HLF: variants seen among roughly 807,000 people sequenced by gnomAD.
The protein encoded by HLF is hepatic leukemia factor.
A neutral mutation model predicts 22.6 loss-of-function variants in HLF; 3 were observed. That is an observed-to-expected ratio of 0.13 (90% CI 0.06 to 0.34). The LOEUF (loss-of-function observed/expected upper bound fraction) is 0.34, where lower values mean the gene tolerates loss of function less well. Ranked by LOEUF, HLF falls within the 10% of genes least tolerant of loss-of-function variation. The pLI is 1.00. For missense variants in HLF, 299 were observed against 389.2 expected, an observed-to-expected ratio of 0.77 and a Z score of 1.95; for synonymous variants, 151 against 151.8, an observed-to-expected ratio of 0.99 and a Z score of 0.04.
At chr17:55,302,402 C>T (rs1904336567) in intron 2 of HLF, among the ~76,000 whole-genome samples, 1 of 152,226 alleles carries the variant, frequency 6.6e-6, no homozygotes, top group East Asian at 1.9e-4. Context: ...CTTTGAGAAG[C>T]TGCAGAACAG....
chr17:55,288,605 A>C (rs140256134), intron 2 of HLF, among the ~76,000 whole-genome samples: 1 of 152,032 alleles, frequency 6.6e-6, no homozygotes, highest in Non-Finnish European at 1.5e-5. Flanking sequence ...TCTACCAAAA[A>C]CAGAAAAAAA....
chr17:55,281,891 A>C (rs764603895), intron 2 of HLF, among the ~76,000 whole-genome samples: 7 of 152,264 alleles, frequency 4.6e-5, no homozygotes, highest in Non-Finnish European at 8.8e-5. Context: ...TTTTCAAGGC[A>C]GAAATAACAG....
chr17:55,321,910 T>G lies in HLF; in HGVS notation c.*1031T>G, dbSNP rs1005516367. 4.3e-6 allele frequency: 1 copy of G among 230,722 alleles called. No homozygotes were observed. Among genetic ancestry groups the G allele is most frequent in the Non-Finnish European group, 8.6e-6 (1 of 116,000 alleles). The allele number at this position is 230,722 out of a possible 1,614,324, so 14.3% of individuals were successfully genotyped here. ...CGCCCCCACTTTTCTAGTTAACTTT[T>G]TCCATATCCCTCTTGACATTCAAAA... On this transcript the variant is annotated 3_prime_UTR_variant, in exon 4 of 4. Transcript: ENST00000226067.
At position 55,320,978 on chromosome 17, in the gene HLF, C is replaced by T. The variant is rs969418636; in HGVS notation, c.*99C>T. 1.0e-5 allele frequency: 9 copies of T among 901,766 alleles called. No homozygotes were observed. Among genetic ancestry groups the T allele is most frequent in the Non-Finnish European group, 1.4e-5 (8 of 579,278 alleles). The allele number at this position is 901,766 out of a possible 1,614,324, so 55.9% of individuals were successfully genotyped here. ...CAACCTTTCTGACATCAGCACTTTA[C>T]CAGAGGCATAAACACAACTGACTCC... On this transcript the variant is annotated 3_prime_UTR_variant, in exon 4 of 4. Transcript: ENST00000226067. The surrounding 1 kb of genome is among the most constrained non-coding windows in gnomAD (Gnocchi z 4.2).
rs757938328 is a variant in HLF, at chr17:55,323,055, A to C, written c.*2176A>C. 9 of 220,350 alleles carry C rather than the reference A, an allele frequency of 4.1e-5. No homozygotes were observed. Among genetic ancestry groups the C allele is most frequent in the Non-Finnish European group, 5.5e-5 (6 of 109,968 alleles). 13.6% of individuals were successfully genotyped at this position (220,350 alleles called of 1,614,324 possible). ...GATCTGGTGGTCTCCTCGTCAATCC[A>C]TCAGCAATGCTTCTCTCATAGTGTC... On this transcript the variant is annotated 3_prime_UTR_variant, in exon 4 of 4. Transcript: ENST00000226067.
chr17:55,294,750 C>T (rs2081096548), intron 2 of HLF, among the ~76,000 whole-genome samples: 1 of 152,190 alleles, frequency 6.6e-6, no homozygotes, highest in African/African-American at 2.4e-5. Flanking sequence ...GGCTCCCTTT[C>T]CATGCACTTC....
Position 55,323,920 on chromosome 17 carries a change from A to C in HLF, c.*3041A>C, listed in dbSNP as rs376621661. On this transcript the variant is annotated 3_prime_UTR_variant, in exon 4 of 4. Transcript: ENST00000226067. Reference sequence around the variant, plus strand: ...TGACATCATCTAGACATGATTTGGAAGGAACAGCTTAGGACCTCCTGATGA... The same window carrying C: ...TGACATCATCTAGACATGATTTGGACGGAACAGCTTAGGACCTCCTGATGA... 150 of 229,344 alleles carry C rather than the reference A, an allele frequency of 6.5e-4. 1 individual carries two copies. Among genetic ancestry groups the C allele is most frequent in the African/African-American group, 3.2e-3 (143 of 45,212 alleles). The allele number at this position is 229,344 out of a possible 1,614,324, so 14.2% of individuals were successfully genotyped here.
At chr17:55,290,707 G>A (rs990015287) in intron 2 of HLF, among the ~76,000 whole-genome samples, 4 of 152,100 alleles carry the variant, frequency 2.6e-5, no homozygotes, top group Admixed American at 1.3e-4. Context: ...CAGAAGAGTC[G>A]CAGGTCTCTC....
At chr17:55,315,539 T>C in intron 3 of HLF, 92 bp downstream of exon 3, 1 of 916,656 alleles carries the variant, frequency 1.1e-6, no homozygotes, top group Non-Finnish European at 1.7e-6. Flanking sequence ...TCCCAGAAGC[T>C]AGTGCATGAA....
chr17:55,273,554 CTGA>C (rs2080876973), intron 2 of HLF: 2 of 152,194 alleles, frequency 1.3e-5, no homozygotes, highest in African/African-American at 4.8e-5. Flanking sequence ...AATCGGTTCC[CTGA>C]TGTTAACCCC....
Position 55,324,852 on chromosome 17 carries a change from T to TA in HLF, c.*3976dup, listed in dbSNP as rs1905406089. The TA allele has an allele frequency of 4.3e-6, 1 of 232,950 alleles. No individual in the cohort carries two copies. The highest frequency in any genetic ancestry group is 8.5e-6 in the Non-Finnish European group (1 of 117,698). The allele number at this position is 232,950 out of a possible 1,614,324, so 14.4% of individuals were successfully genotyped here. On this transcript the variant is annotated 3_prime_UTR_variant, in exon 4 of 4. Transcript: ENST00000226067. ...GTGTATGTGTGTGAATAAGTCGACA[T>TA]AAAGTCTTTAATTTTGAGCACCTTA...
intron 2 of HLF, among the ~76,000 whole-genome samples, chr17:55,292,080 C>T (rs2081068231): frequency 6.6e-6 from 1 of 152,200 alleles, no homozygotes; most frequent in Non-Finnish European, 1.5e-5. Flanking sequence ...GAGATGGAAT[C>T]TACTCCTAGT....
At position 55,292,889 on chromosome 17, in the gene HLF, C is replaced by G. The variant is rs370408141; in HGVS notation, c.452-22338C>G. Among the ~76,000 whole-genome samples the G allele has an allele frequency of 1.1e-3, 166 of 152,286 alleles. 1 individual carries two copies. The highest frequency in any genetic ancestry group is 6.8e-3 in the Middle Eastern group (2 of 294). ...TTTATGTTAAGTGAAATAAGCCATT[C>G]ACAGGAAGACAAATATTGTATGTTC... On this transcript the variant is annotated intron_variant, in intron 2 of 3. Transcript: ENST00000226067.
rs1223989494 is a variant in HLF, at chr17:55,267,813, C to T, written c.178C>T (p.Pro60Ser). The T allele has an allele frequency of 6.2e-7, 1 of 1,611,570 alleles. No homozygotes were observed. The highest frequency in any genetic ancestry group is 8.5e-7 in the Non-Finnish European group (1 of 1,178,030). The change falls in exon 2 of 4, where the codon CCC (proline) becomes TCC (serine). Residue 60 changes from proline (P) to serine (S), a missense_variant. By Grantham distance (74) the Pro-to-Ser change is moderately conservative (BLOSUM62 -1). This residue lies in a region of HLF where 3 missense variants were observed against 17.1 expected (regional missense o/e 0.18). Transcript: ENST00000226067. Reference protein sequence around the residue: ...LDDESNSPTVPQSAFLGPTLW... With the variant: ...LDDESNSPTVSQSAFLGPTLW... ...TGATGAGAGTAACAGCCCGACGGTC[C>T]CCCAGTCGGCATTCCTGGGGCCTAC...
intron 3 of HLF, among the ~76,000 whole-genome samples, chr17:55,315,827 C>T (rs138700909): frequency 7.5e-4 from 114 of 152,280 alleles, no homozygotes; most frequent in African/African-American, 2.3e-3. Context: ...TCATTGCCCT[C>T]GAAGGGTTAC....
intron 2 of HLF, among the ~76,000 whole-genome samples, chr17:55,276,595 A>G (rs1051490400): frequency 1.4e-4 from 22 of 152,306 alleles, no homozygotes; most frequent in African/African-American, 4.8e-4. Flanking sequence ...CCACAAAGTT[A>G]TAGAGGCAGG....
intron 2 of HLF, among the ~76,000 whole-genome samples, chr17:55,298,366 C>T (rs778115272): frequency 1.3e-5 from 2 of 152,096 alleles, no homozygotes; most frequent in Admixed American, 6.5e-5. Context: ...TGAAAGAAGA[C>T]GCATGGAACT....
intron 2 of HLF, among the ~76,000 whole-genome samples, chr17:55,304,581 G>A (rs1325632120): frequency 6.6e-6 from 1 of 152,370 alleles, no homozygotes; most frequent in East Asian, 1.9e-4. Context: ...TGCCAAGTTA[G>A]AAGCTGAGGA....
chr17:55,268,727 C>T (rs1284281928), intron 2 of HLF, among the ~76,000 whole-genome samples: 3 of 150,758 alleles, frequency 2.0e-5, no homozygotes, highest in Non-Finnish European at 4.4e-5. Context: ...ATAAACCCAA[C>T]TGTTCTTATC....
Sources: gnomAD v4.1 joint callset for allele counts (sites outside exome capture counted in the v4.1 genomes callset) on GRCh38, gnomAD v4.1.1 for gene constraint, gnomAD v4.1.1 regional missense constraint, Gnocchi (gnomAD v3.1) non-coding constraint, MANE v1.5 for transcripts, NCBI Gene and HGNC (gene_info 2026-07-23, HGNC 2026-07-21) for gene names.